FGF12: variants seen among roughly 807,000 people sequenced by gnomAD.
FGF12 encodes the protein fibroblast growth factor 12.
FGF12 carries 14 observed loss-of-function variants against 23.6 expected under a neutral mutation model. That is an observed-to-expected ratio of 0.59 (90% CI 0.39 to 0.93). The LOEUF is 0.93. Ranked by LOEUF, FGF12 falls within the 40% of genes least tolerant of loss-of-function variation. The pLI is 0.00. For synonymous variants in FGF12, 62 were observed against 77.3 expected (o/e 0.80, Z 1.04); for missense variants, 175 against 217.8 (o/e 0.80, Z 1.24).
At chr3:192,704,105 A>G (rs1718388545) in intron 2 of FGF12, among the ~76,000 whole-genome samples, 1 of 152,238 alleles carries the variant, frequency 6.6e-6, no homozygotes, top group East Asian at 1.9e-4. Context: ...TCTTAATATC[A>G]TCTCAAATGA....
intron 2 of FGF12, among the ~76,000 whole-genome samples, chr3:192,513,971 A>C (rs1038389854): frequency 2.0e-5 from 3 of 152,230 alleles, no homozygotes; most frequent in South Asian, 4.1e-4. Context: ...AGCATAAAAG[A>C]ATCACACTTA....
At chr3:192,380,463 A>G (rs527385418) in intron 2 of FGF12, among the ~76,000 whole-genome samples, 4 of 152,352 alleles carry the variant, frequency 2.6e-5, no homozygotes, top group African/African-American at 9.6e-5. Context: ...TCTAGAATCT[A>G]GCAAAGAAAG....
chr3:192,446,756 G>A (rs1288700901), intron 2 of FGF12, among the ~76,000 whole-genome samples: 1 of 152,038 alleles, frequency 6.6e-6, no homozygotes, highest in Admixed American at 6.6e-5. Context: ...TCGCATCCAA[G>A]GCAAACATGG....
chr3:192,217,287 G>T (rs767758555), intron 4 of FGF12, among the ~76,000 whole-genome samples: 8 of 152,168 alleles, frequency 5.3e-5, no homozygotes, highest in Non-Finnish European at 1.2e-4. Context: ...CTATATGAGC[G>T]TCTGCTGTTG....
chr3:192,579,189 A>G (rs1338571448), intron 2 of FGF12, among the ~76,000 whole-genome samples: 1 of 151,984 alleles, frequency 6.6e-6, no homozygotes, highest in African/African-American at 2.4e-5. Context: ...TTGAGGAAAC[A>G]TTTTCCTATT....
intron 4 of FGF12, among the ~76,000 whole-genome samples, chr3:192,228,881 T>C (rs2108581684): frequency 6.6e-6 from 1 of 152,252 alleles, no homozygotes; most frequent in South Asian, 2.1e-4. Context: ...AACTAGACAC[T>C]ACGAGAGCCA....
intron 2 of FGF12, among the ~76,000 whole-genome samples, chr3:192,444,707 A>T (rs1173772803): frequency 6.6e-6 from 1 of 152,200 alleles, no homozygotes; most frequent in Non-Finnish European, 1.5e-5. Context: ...CACCTCGTGG[A>T]CATGAGGGAA....
At chr3:192,655,324 A>T (rs1716361904) in intron 2 of FGF12, among the ~76,000 whole-genome samples, 2 of 152,224 alleles carry the variant, frequency 1.3e-5, no homozygotes, top group Non-Finnish European at 2.9e-5. Context: ...TCAGAGAAGC[A>T]GAAAGCATTC....
intron 5 of FGF12, among the ~76,000 whole-genome samples, chr3:192,167,745 A>T: frequency 4.3e-5 from 1 of 23,418 alleles, no homozygotes; most frequent in African/African-American, 2.1e-4. Flanking sequence ...ATATATATAT[A>T]TATATATATA....
At chr3:192,277,789 G>C (rs1259078897) in intron 4 of FGF12, among the ~76,000 whole-genome samples, 1 of 152,150 alleles carries the variant, frequency 6.6e-6, no homozygotes, top group Non-Finnish European at 1.5e-5. Flanking sequence ...TTGAGACAGA[G>C]TCTCGCTCTG....
intron 4 of FGF12, among the ~76,000 whole-genome samples, chr3:192,190,396 C>T (rs1412020498): frequency 6.0e-5 from 9 of 150,370 alleles, no homozygotes; most frequent in African/African-American, 2.0e-4. Context: ...TTTAACAGAG[C>T]TACAATATTC....
chr3:192,660,522 AG>A, intron 2 of FGF12, among the ~76,000 whole-genome samples: 1 of 150,904 alleles, frequency 6.6e-6, no homozygotes, highest in East Asian at 1.9e-4. Context: ...AAAAAAAAAA[AG>A]AAAGAAATTC....
chr3:192,246,870 AAAGAAAGAGAG>A (rs1300093521), intron 4 of FGF12, among the ~76,000 whole-genome samples: 1 of 150,250 alleles, frequency 6.7e-6, no homozygotes, highest in African/African-American at 2.4e-5. Flanking sequence ...AGAGAGAGAG[AAAGAAAGAGAG>A]AGAAAGAGAG....
At chr3:192,626,311 A>G (rs1393195985) in intron 2 of FGF12, among the ~76,000 whole-genome samples, 1 of 152,214 alleles carries the variant, frequency 6.6e-6, no homozygotes, top group African/African-American at 2.4e-5. Context: ...CAAAATTAAC[A>G]GTAAATATTT....
intron 2 of FGF12, among the ~76,000 whole-genome samples, chr3:192,383,036 T>A (rs115537358): frequency 0.025 from 3,866 of 152,256 alleles, 66 homozygotes; most frequent in Non-Finnish European, 0.042. Flanking sequence ...ATTAATTGCA[T>A]GTGGGCAGAA....
chr3:192,648,704 A>G (rs749879738), intron 2 of FGF12, among the ~76,000 whole-genome samples: 11 of 152,198 alleles, frequency 7.2e-5, no homozygotes, highest in Non-Finnish European at 1.5e-4. Flanking sequence ...TACGCAAAAT[A>G]TGAAGGATGA....
At chr3:192,646,352 G>A (rs997374192) in intron 2 of FGF12, among the ~76,000 whole-genome samples, 9 of 152,038 alleles carry the variant, frequency 5.9e-5, no homozygotes, top group African/African-American at 2.2e-4. Context: ...CTACTAATGA[G>A]CCCCTTTCTC....
chr3:192,630,519 C>T (rs1300947843), intron 2 of FGF12, among the ~76,000 whole-genome samples: 1 of 150,846 alleles, frequency 6.6e-6, no homozygotes, highest in Admixed American at 6.6e-5. Context: ...GTGCTCTTAA[C>T]GCTGTGTGAC....
intron 2 of FGF12, among the ~76,000 whole-genome samples, chr3:192,701,442 T>C (rs967200706): frequency 6.6e-6 from 1 of 152,184 alleles, no homozygotes; most frequent in Non-Finnish European, 1.5e-5. Flanking sequence ...AATCAAATAT[T>C]TTACACAGTG....
Sources: allele counts gnomAD v4.1 joint callset (sites outside exome capture counted in the v4.1 genomes callset), GRCh38; gene constraint gnomAD v4.1.1; transcripts MANE v1.5; gene names NCBI Gene and HGNC (gene_info 2026-07-23, HGNC 2026-07-21).